Variants in PLA2G4F observed in about 807,000 individuals in gnomAD.
PLA2G4F encodes the protein cytosolic phospholipase A2 zeta.
PLA2G4F carries 105 observed loss-of-function variants against 103.1 expected under a neutral mutation model. That is an observed-to-expected ratio of 1.02 (90% CI 0.87 to 1.20). The LOEUF (loss-of-function observed/expected upper bound fraction) is 1.20. PLA2G4F is among the 50% of genes most tolerant of loss of function. The pLI, the probability that PLA2G4F is intolerant of heterozygous loss-of-function variation, is 0.00. For synonymous variants in PLA2G4F, 468 were observed against 441.1 expected (o/e 1.06, Z -0.76); for missense variants, 1,155 against 1,075.9 (o/e 1.07, Z -1.03).
chr15:42,144,487 C>T lies in PLA2G4F; in HGVS notation c.1938G>A (p.Lys646=). 6.2e-7 allele frequency: 1 copy of T among 1,612,284 alleles called. No homozygotes were observed. The highest frequency in any genetic ancestry group is 8.5e-7 in the Non-Finnish European group (1 of 1,180,012). The part of the protein sequence containing the change: ...FNFTRGLCLH[K]DYVAGREFVA... ...CGAACTCCCTGCCAGCCACATAGTC[C>T]TTGTGCAAGCAGAGACCCCGGGTGA... The change falls in exon 17 of 20, where the codon AAG becomes AAA. Residue 646 remains lysine (K), a synonymous_variant. Coordinates refer to ENST00000397272, the MANE Select transcript of PLA2G4F (RefSeq NM_213600.4).
intron 9 of PLA2G4F, 76 bp downstream of exon 9, chr15:42,150,297 G>C: frequency 6.5e-7 from 1 of 1,536,200 alleles, no homozygotes; most frequent in East Asian, 2.3e-5. Context: ...CACCCTCTTG[G>C]GTCCCTCCTC....
rs1267912585 is a variant in PLA2G4F at position 42,141,052 on chromosome 15, GAA to G, written c.*930_*931del. On this transcript the variant is annotated 3_prime_UTR_variant, in exon 20 of 20. Transcript: ENST00000397272. ...GCCAAGACCCATTGGATGCATCTGG[GAA>G]AGAGGCAAGAGCCCAGGCGAGGCTC... The G allele has an allele frequency of 2.8e-6, 1 of 353,790 alleles. No individual in the cohort carries two copies. The highest frequency in any genetic ancestry group is 3.7e-5 in the Admixed American group (1 of 27,036). The allele number at this position is 353,790 out of a possible 1,614,324, so 21.9% of individuals were successfully genotyped here.
rs558368177 is a variant in PLA2G4F, at chr15:42,148,650, A to G, written c.1060-888T>C. The G allele has an allele frequency of 8.1e-6, 8 of 985,406 alleles. No homozygotes were observed. The African/African-American group carries it at 1.4e-4, about 17-fold the overall frequency. 61.0% of individuals were successfully genotyped at this position (985,406 alleles called of 1,614,324 possible). On this transcript the variant is annotated intron_variant, in intron 11 of 19. Coordinates refer to ENST00000397272, the MANE Select transcript of PLA2G4F (RefSeq NM_213600.4). Reference sequence around the variant, plus strand: ...CCACCGAGCTAAAGTGACAAAGGCCAGCAAGCAGCCTAGACCTGCCCCCAG... The same window carrying G: ...CCACCGAGCTAAAGTGACAAAGGCCGGCAAGCAGCCTAGACCTGCCCCCAG...
chr15:42,151,439 G>A, intron 7 of PLA2G4F: 1 of 985,280 alleles, frequency 1.0e-6, no homozygotes, highest in Non-Finnish European at 1.2e-6. Flanking sequence ...TGGGGAGGAG[G>A]CCAGACCCCA....
chr15:42,145,527 C>G, intron 16 of PLA2G4F, 48 bp downstream of exon 16: 1 of 1,548,820 alleles, frequency 6.5e-7, no homozygotes, highest in Non-Finnish European at 8.9e-7. Flanking sequence ...TGCCAGGGCC[C>G]TGTTGCTGGA....
chr15:42,145,111 G>T (rs1469312455), intron 16 of PLA2G4F, among the ~76,000 whole-genome samples: 1 of 152,194 alleles, frequency 6.6e-6, no homozygotes, highest in African/African-American at 2.4e-5. Context: ...ACGACGACAG[G>T]GATGTGCACA....
intron 11 of PLA2G4F, chr15:42,148,938 T>C (rs563936302): frequency 1.0e-6 from 1 of 985,358 alleles, no homozygotes; most frequent in East Asian, 1.1e-4. Flanking sequence ...ATTGCCCCAA[T>C]GAACGATCTA....
intron 7 of PLA2G4F, 118 bp from the exon 8 acceptor site, chr15:42,150,895 G>T: frequency 4.7e-6 from 7 of 1,481,110 alleles, no homozygotes; most frequent in Non-Finnish European, 5.3e-6. Flanking sequence ...GGAAATGCCA[G>T]CTCTTATCGC....
In PLA2G4F at chr15:42,147,760, C is replaced by A. The variant is rs187520868; in HGVS notation, c.1062G>T (p.Val354=). The part of the protein sequence containing the change: ...GLSEALDSGQ[V]PVVAVLGSGG... Reference sequence around the variant, plus strand: ...CGGAACCCAACACAGCCACTACAGGCACCTGGGTACAATAATAACAAGGAT... The same window carrying A: ...CGGAACCCAACACAGCCACTACAGGAACCTGGGTACAATAATAACAAGGAT... Residue 354 remains valine, a splice_region_variant and synonymous_variant, in exon 12 of 20, where the codon GTG becomes GTT. Transcript: ENST00000397272. 108 of 1,613,810 alleles carry A rather than the reference C, an allele frequency of 6.7e-5. 1 individual carries two copies. In the Admixed American group the frequency reaches 1.2e-3, roughly 19 times the overall value.
Position 42,150,599 on chromosome 15 carries a change from C to T in PLA2G4F, c.771+9G>A, listed in dbSNP as rs531274704. On this transcript the variant is annotated intron_variant, in intron 8 of 19. Transcript: ENST00000397272. ...TTGGATCTACCGACCATCCTGGCGG[C>T]GCACTCACCTGCACAGCTGCCAGCA... The T allele has an allele frequency of 1.4e-5, 22 of 1,600,444 alleles. No individual in the cohort carries two copies. The highest frequency in any genetic ancestry group is 5.1e-5 in the Admixed American group (3 of 58,720).
intron 14 of PLA2G4F, 50 bp from the exon 15 acceptor site, chr15:42,145,953 C>T: frequency 6.2e-7 from 1 of 1,604,770 alleles, no homozygotes; most frequent in Non-Finnish European, 8.5e-7. Flanking sequence ...CACCACGGTG[C>T]TTGTGCCCAA....
Position 42,142,149 on chromosome 15 carries a change from C to T in PLA2G4F, c.2385G>A (p.Arg795=). The stretch of plus-strand genomic sequence containing the variant: ...TCATCATGCCATAGGGGGTGTCTGG[C>T]CTGTTGATGACAAAGTCCCCAAAGG... ...EKAFGDFVIN[R]PDTPYGMMNF... The change falls in exon 20 of 20, where the codon AGG becomes AGA. Residue 795 remains arginine, a synonymous_variant. Coordinates refer to ENST00000397272, the MANE Select transcript of PLA2G4F (RefSeq NM_213600.4). 2 of 1,614,190 alleles carry T rather than the reference C, an allele frequency of 1.2e-6. No homozygotes were observed. Among genetic ancestry groups the T allele is most frequent in the South Asian group, 1.1e-5 (1 of 91,074 alleles).
At position 42,145,877 on chromosome 15, in the gene PLA2G4F, C is replaced by T; in HGVS notation, c.1561G>A (p.Val521Ile). The T allele has an allele frequency of 6.2e-7, 1 of 1,614,090 alleles. No homozygotes were observed. Reference sequence around the variant, plus strand: ...TAAGCCCCGTACTTGGGGAAGCCAACCTCATAGGGCGTGAACTCGCACCAC... The same window carrying T: ...TAAGCCCCGTACTTGGGGAAGCCAATCTCATAGGGCGTGAACTCGCACCAC... Reference protein sequence around the residue: ...AEWCEFTPYEVGFPKYGAYVP... With the variant: ...AEWCEFTPYEIGFPKYGAYVP... The change falls in exon 15 of 20, where the codon GTT (valine) becomes ATT (isoleucine). Residue 521 changes from valine to isoleucine, a missense_variant. Around this residue, in one of 3 missense-constraint regions of PLA2G4F, gnomAD observed 782 missense variants for 692.9 expected, o/e 1.13. Coordinates refer to ENST00000397272, the MANE Select transcript of PLA2G4F (RefSeq NM_213600.4).
In PLA2G4F at chr15:42,150,623, C is replaced by A; in HGVS notation, c.756G>T (p.Leu252=). ...SSRLHVELME[L]LAAVQSGPSA... is the part of the protein sequence containing the mutation. ...GCGCACTCACCTGCACAGCTGCCAG[C>A]AGCTCCATCAGCTCCACGTGTAGCC... The change falls in exon 8 of 20, where the codon CTG becomes CTT. Residue 252 remains leucine (L), a synonymous_variant. Transcript: ENST00000397272. The A allele has an allele frequency of 6.2e-7, 1 of 1,609,936 alleles. No individual in the cohort carries two copies. The highest frequency in any genetic ancestry group is 8.5e-7 in the Non-Finnish European group (1 of 1,178,138).
In PLA2G4F at chr15:42,146,221, A is replaced by G; in HGVS notation, c.1440T>C (p.Ser480=). 6.2e-7 allele frequency: 1 copy of G among 1,614,242 alleles called. No individual in the cohort carries two copies. Among genetic ancestry groups the G allele is most frequent in the Non-Finnish European group, 8.5e-7 (1 of 1,180,036 alleles). The change falls in exon 14 of 20, where the codon TCT becomes TCC. Residue 480 remains serine, a synonymous_variant. Coordinates refer to ENST00000397272, the MANE Select transcript of PLA2G4F (RefSeq NM_213600.4). ...CCTGGCGGACCGCCTCCTGTTGGTC[A>G]GACAGCTTGGCAGGGTTCTCCTGGG... The part of the protein sequence containing the change: ...LYQEENPAKL[S]DQQEAVRQGQ...
intron 7 of PLA2G4F, chr15:42,151,750 C>T: frequency 3.7e-6 from 3 of 821,828 alleles, no homozygotes; most frequent in Non-Finnish European, 4.4e-6. Flanking sequence ...AAGAAGAAAC[C>T]ATATAATCCG....
rs143229349 is a variant in PLA2G4F, at chr15:42,142,545, C to T, written c.2312G>A (p.Arg771His). 2.1e-5 allele frequency: 34 copies of T among 1,613,520 alleles called. No individual in the cohort carries two copies. Among genetic ancestry groups the T allele is most frequent in the African/African-American group, 1.9e-4 (14 of 74,874 alleles). ...LHFPLVNRTF[R>H]THLAPGVERQ... Reference sequence around the variant, plus strand: ...TCCCTTACCTGGGGCCAGGTGTGTGCGGAAGGTACGGTTAACCAGGGGGAA... The same window carrying T: ...TCCCTTACCTGGGGCCAGGTGTGTGTGGAAGGTACGGTTAACCAGGGGGAA... Residue 771 changes from arginine (R) to histidine (H), a missense_variant, in exon 19 of 20, where the codon CGC becomes CAC. Arg to His is a conservative substitution (Grantham distance 29). Coordinates refer to ENST00000397272, the MANE Select transcript of PLA2G4F (RefSeq NM_213600.4).
chr15:42,150,062 T>C (rs1344126864), intron 10 of PLA2G4F, 42 bp downstream of exon 10: 1 of 1,613,558 alleles, frequency 6.2e-7, no homozygotes, highest in South Asian at 1.1e-5. Context: ...CCCGCACTTC[T>C]AGCCCAGCCC....
Position 42,154,449 on chromosome 15 carries a change from G to T in PLA2G4F, c.194C>A (p.Ala65Asp). 2 of 1,588,036 alleles carry T rather than the reference G, an allele frequency of 1.3e-6. No individual in the cohort carries two copies. The highest frequency in any genetic ancestry group is 1.7e-6 in the Non-Finnish European group (2 of 1,164,520). The change falls in exon 3 of 20, where the codon GCC (alanine) becomes GAC (aspartate). Residue 65 changes from alanine to aspartate, a missense_variant. Around this residue, in one of 3 missense-constraint regions of PLA2G4F, gnomAD observed 370 missense variants for 364.9 expected, o/e 1.01. Coordinates refer to ENST00000397272, the MANE Select transcript of PLA2G4F (RefSeq NM_213600.4). Reference sequence around the variant, plus strand: ...CAGCCACAGTTGCACATAGCAGTCGGCTTTGGACACTGCAGGTAGGACAGG... The same window carrying T: ...CAGCCACAGTTGCACATAGCAGTCGTCTTTGGACACTGCAGGTAGGACAGG... ...NIRGTDLLSK[A>D]DCYVQLWLPT...
Sources: allele counts gnomAD v4.1 joint callset (sites outside exome capture counted in the v4.1 genomes callset), GRCh38; gene constraint gnomAD v4.1.1; regional missense constraint gnomAD v4.1.1; transcripts MANE v1.5; gene names NCBI Gene and HGNC (gene_info 2026-07-23, HGNC 2026-07-21).